Variants in ASTN2 observed in about 807,000 individuals in gnomAD.
The protein encoded by ASTN2 is astrotactin-2.
In ASTN2, 54 loss-of-function variants were observed where a neutral mutation model predicts 139.8. The observed-to-expected ratio is 0.39, with a 90% CI of 0.31 to 0.48. The LOEUF is 0.48. Ranked by LOEUF, ASTN2 falls within the 20% of genes least tolerant of loss-of-function variation. The pLI, the probability that ASTN2 is intolerant of heterozygous loss-of-function variation, is 0.95. For missense variants in ASTN2, 1,565 were observed against 1,725.1 expected (o/e 0.91, Z 1.64); for synonymous variants, 756 against 719.5 (o/e 1.05, Z -0.81).
At chr9:116,627,732 C>G (rs1856535638) in intron 17 of ASTN2, among the ~76,000 whole-genome samples, 1 of 152,166 alleles carries the variant, frequency 6.6e-6, no homozygotes, top group African/African-American at 2.4e-5. Context: ...GAAGCCCATG[C>G]TGTCAGCCAC....
At chr9:116,842,806 G>A (rs1190529014) in intron 11 of ASTN2, among the ~76,000 whole-genome samples, 1 of 152,098 alleles carries the variant, frequency 6.6e-6, no homozygotes, top group East Asian at 1.9e-4. Flanking sequence ...ATGAAGGACA[G>A]CAGCTGCAGG....
Position 116,553,978 on chromosome 9 carries a change from A to C in ASTN2, c.3355+64346T>G, listed in dbSNP as rs148177195. Among the ~76,000 whole-genome samples, 420 of 152,338 alleles carry C rather than the reference A, an allele frequency of 2.8e-3. 6 individuals carry two copies. Among genetic ancestry groups the C allele is most frequent in the African/African-American group, 9.7e-3 (402 of 41,576 alleles). ...ATTGAACGAATGAACGAATGAATGA[A>C]TGTATGAATAAATGAATAAATGAAC... On this transcript the variant is annotated intron_variant, in intron 19 of 22. Transcript: ENST00000313400.
At chr9:117,083,640 A>G (rs1329325412) in intron 5 of ASTN2, among the ~76,000 whole-genome samples, 1 of 152,176 alleles carries the variant, frequency 6.6e-6, no homozygotes, top group African/African-American at 2.4e-5. Context: ...CGGGAAGCAA[A>G]GAGTCACAGT....
At chr9:116,594,708 T>C (rs1854497497) in intron 19 of ASTN2, among the ~76,000 whole-genome samples, 1 of 152,178 alleles carries the variant, frequency 6.6e-6, no homozygotes, top group South Asian at 2.1e-4. Flanking sequence ...GATCTGACCT[T>C]CCTAAGGCAT....
At chr9:116,556,948 T>TAA (rs1461019976) in intron 19 of ASTN2, among the ~76,000 whole-genome samples, 2 of 151,998 alleles carry the variant, frequency 1.3e-5, no homozygotes, top group African/African-American at 4.8e-5. Flanking sequence ...ACTACTGGGT[T>TAA]TAACTAAGTG....
At chr9:117,057,848 T>C (rs1229062333) in intron 5 of ASTN2, among the ~76,000 whole-genome samples, 2 of 152,190 alleles carry the variant, frequency 1.3e-5, no homozygotes, top group African/African-American at 4.8e-5. Context: ...CTTAGGCTGG[T>C]CATTTCTGTT....
intron 5 of ASTN2, among the ~76,000 whole-genome samples, chr9:117,046,521 T>G (rs933928132): frequency 6.6e-5 from 10 of 152,120 alleles, no homozygotes; most frequent in Admixed American, 5.9e-4. Context: ...CTCTGTAAGC[T>G]CTCAATATAT....
At chr9:116,828,525 A>G (rs1831709632) in intron 11 of ASTN2, among the ~76,000 whole-genome samples, 1 of 152,178 alleles carries the variant, frequency 6.6e-6, no homozygotes. Flanking sequence ...ACATCCTTTG[A>G]TGATAAAAAA....
At chr9:116,778,084 A>T (rs1830129214) in intron 13 of ASTN2, among the ~76,000 whole-genome samples, 1 of 152,058 alleles carries the variant, frequency 6.6e-6, no homozygotes, top group Non-Finnish European at 1.5e-5. Context: ...TGACCTCGTG[A>T]TCTACCCACC....
At chr9:116,652,706 G>A (rs1226088871) in intron 16 of ASTN2, among the ~76,000 whole-genome samples, 2 of 152,288 alleles carry the variant, frequency 1.3e-5, no homozygotes, top group African/African-American at 4.8e-5. Flanking sequence ...AATAGCAAAT[G>A]AGAAAGGAGG....
intron 1 of ASTN2, among the ~76,000 whole-genome samples, chr9:117,386,854 T>G (rs1231161843): frequency 2.6e-5 from 4 of 152,150 alleles, no homozygotes; most frequent in Non-Finnish European, 5.9e-5. Flanking sequence ...GCTTACTACT[T>G]TCTCCCTAGG....
chr9:117,402,400 A>G (rs117779214), intron 1 of ASTN2, among the ~76,000 whole-genome samples: 3,049 of 152,312 alleles, frequency 0.02, 215 homozygotes, highest in East Asian at 0.14. Context: ...CATCAGGGTT[A>G]GCTGACTGAA....
At chr9:117,293,873 T>TC (rs1213492882) in intron 1 of ASTN2, among the ~76,000 whole-genome samples, 1 of 152,222 alleles carries the variant, frequency 6.6e-6, no homozygotes, top group East Asian at 1.9e-4. Flanking sequence ...ATTCAGTAGT[T>TC]CCATGTGCTG....
At chr9:116,727,360 GAAC>G (rs1828657872) in intron 15 of ASTN2, among the ~76,000 whole-genome samples, 1 of 152,128 alleles carries the variant, frequency 6.6e-6, no homozygotes, top group African/African-American at 2.4e-5. Flanking sequence ...AAATGTAAAA[GAAC>G]AAGCTTCTCT....
At chr9:116,559,060 C>T (rs552165316) in intron 19 of ASTN2, among the ~76,000 whole-genome samples, 3 of 152,126 alleles carry the variant, frequency 2.0e-5, no homozygotes, top group African/African-American at 7.2e-5. Flanking sequence ...CAGTTCTTAC[C>T]CGACTCTACT....
In ASTN2 at chr9:116,756,252, G is replaced by A. The variant is rs766961937; in HGVS notation, c.2397-22729C>T. 3.3e-5 allele frequency among the ~76,000 whole-genome samples: 5 copies of A among 152,080 alleles called. No individual in the cohort carries two copies. The South Asian group carries it at 6.2e-4, about 19-fold the overall frequency. On this transcript the variant is annotated intron_variant, in intron 13 of 22. Coordinates refer to ENST00000313400, the MANE Select transcript of ASTN2 (RefSeq NM_001365068.1). ...TTTAAGCTACATTTCTAGGAACTCC[G>A]CAGAGAACAAGCTCTAGGGGCTCAA...
chr9:116,840,546 G>T (rs111808863), intron 11 of ASTN2, among the ~76,000 whole-genome samples: 1,992 of 79,696 alleles, frequency 0.025, 259 homozygotes, highest in East Asian at 0.14. Flanking sequence ...GCGGCTGGCC[G>T]GGTGGGGGGC....
chr9:116,778,505 G>T (rs188367272), intron 13 of ASTN2, among the ~76,000 whole-genome samples: 2 of 152,158 alleles, frequency 1.3e-5, no homozygotes, highest in Admixed American at 6.5e-5. Flanking sequence ...ATACTTGGGG[G>T]CTTCTCAAAA....
intron 19 of ASTN2, among the ~76,000 whole-genome samples, chr9:116,492,942 C>T (rs547955684): frequency 6.6e-6 from 1 of 152,252 alleles, no homozygotes; most frequent in South Asian, 2.1e-4. Flanking sequence ...CTCACACTAA[C>T]CTTCAACTAG....
Sources: gnomAD v4.1 joint callset for allele counts (sites outside exome capture counted in the v4.1 genomes callset) on GRCh38, gnomAD v4.1.1 for gene constraint, MANE v1.5 for transcripts, NCBI Gene and HGNC (gene_info 2026-07-23, HGNC 2026-07-21) for gene names.